WNK4: variants seen among roughly 807,000 people sequenced by gnomAD.
WNK4 encodes the protein serine/threonine-protein kinase WNK4.
In WNK4, 94 loss-of-function variants were observed where a neutral mutation model predicts 116.2. That is an observed-to-expected ratio of 0.81 (90% confidence interval 0.68 to 0.96). The LOEUF is 0.96. WNK4 is among the 40% of genes least tolerant of loss of function. The probability of loss-of-function intolerance (pLI) is 0.00; values close to 1 mark genes in which losing one functional copy is unlikely to be tolerated. For synonymous variants in WNK4, 655 were observed against 672.7 expected (o/e 0.97, Z 0.41); for missense variants, 1,542 against 1,650.6 (o/e 0.93, Z 1.14).
rs2054493851 is a variant in WNK4 at position 42,782,388 on chromosome 17, C to T, written c.619-370C>T. On this transcript the variant is annotated intron_variant, in intron 1 of 18. Coordinates refer to ENST00000246914, the MANE Select transcript of WNK4 (RefSeq NM_032387.5). The surrounding 1 kb of genome is among the most constrained non-coding windows in gnomAD (Gnocchi z 4.2). ...GGCCCCAATTCCCTGCCCGCAGTAT[C>T]CTGCTGCCCGCCTGCTGCCTGCTCA... 6.6e-6 allele frequency among the ~76,000 whole-genome samples: 1 copy of T among 152,258 alleles called. No individual in the cohort carries two copies. The highest frequency in any genetic ancestry group is 6.5e-5 in the Admixed American group (1 of 15,294).
rs772673471 is a variant in WNK4, at chr17:42,780,796, A to T, written c.98A>T (p.Gln33Leu). The T allele has an allele frequency of 2.8e-5, 45 of 1,603,158 alleles. No homozygotes were observed. In the Admixed American group the frequency reaches 7.4e-4, roughly 26 times the overall value. Reference sequence around the variant, plus strand: ...CCGCCTCCTCTTGGCACCGCGGGGCAGCCCCGCCTCGGGCCCCCTCCTCGC... The same window carrying T: ...CCGCCTCCTCTTGGCACCGCGGGGCTGCCCCGCCTCGGGCCCCCTCCTCGC... ...RPPPPLGTAG[Q>L]PRLGPPPRRA... The change falls in exon 1 of 19, where the codon CAG becomes CTG. Residue 33 changes from glutamine (Q) to leucine (L), a missense_variant. This residue lies in a region of WNK4 where 243 missense variants were observed against 217.8 expected (regional missense o/e 1.12). Coordinates refer to ENST00000246914, the MANE Select transcript of WNK4 (RefSeq NM_032387.5).
rs777975684 is a variant in WNK4 at position 42,785,315 on chromosome 17, G to A, written c.1309G>A (p.Gly437Ser). The A allele has an allele frequency of 6.2e-7, 1 of 1,612,194 alleles. No homozygotes were observed. The highest frequency in any genetic ancestry group is 8.5e-7 in the Non-Finnish European group (1 of 1,179,260). The change falls in exon 6 of 19, where the codon GGT becomes AGT. Residue 437 changes from glycine to serine, a missense_variant. Gly to Ser is a moderately conservative substitution (Grantham distance 56, BLOSUM62 0). Around this residue, in one of 7 missense-constraint regions of WNK4, gnomAD observed 808 missense variants for 873.6 expected, o/e 0.92. Transcript: ENST00000246914. ...CCACGCCTTCTTCCGCGAGGAGCGC[G>A]GTGTGCACGTGGAACTAGCGGAGGA... is the stretch of plus-strand genomic sequence containing the variant. ...LAHAFFREER[G>S]VHVELAEEDD...
chr17:42,782,680 C>T lies in WNK4; in HGVS notation c.619-78C>T. On this transcript the variant is annotated intron_variant, in intron 1 of 18. Coordinates refer to ENST00000246914, the MANE Select transcript of WNK4 (RefSeq NM_032387.5). This position sits in a 1 kb window ranked among gnomAD's most constrained non-coding sequence, Gnocchi z 4.2. ...TGGGCTCCAACCCTCACCTCTTCCC[C>T]CAACCCCACTCCAGGTGTCCCTCTT... 6.4e-7 allele frequency: 1 copy of T among 1,565,304 alleles called. No homozygotes were observed. The highest frequency in any genetic ancestry group is 8.7e-7 in the Non-Finnish European group (1 of 1,147,774).
intron 18 of WNK4, 32 bp downstream of exon 18, chr17:42,796,610 G>A (rs1253953125): frequency 6.2e-7 from 1 of 1,614,222 alleles, no homozygotes; most frequent in East Asian, 2.2e-5. Flanking sequence ...GGAGAGCCCA[G>A]GGAATGGTAC....
chr17:42,785,327 G>C lies in WNK4; in HGVS notation c.1321G>C (p.Glu441Gln), dbSNP rs2054534010. The change falls in exon 6 of 19, where the codon GAA becomes CAA. Residue 441 changes from glutamate to glutamine, a missense_variant. Physicochemically the swap from Glu to Gln is conservative, Grantham distance 29. Around this residue, in one of 7 missense-constraint regions of WNK4, gnomAD observed 808 missense variants for 873.6 expected, o/e 0.92. Transcript: ENST00000246914. Reference sequence around the variant, plus strand: ...CCGCGAGGAGCGCGGTGTGCACGTGGAACTAGCGGAGGAGGACGACGGCGA... The same window carrying C: ...CCGCGAGGAGCGCGGTGTGCACGTGCAACTAGCGGAGGAGGACGACGGCGA... ...FFREERGVHVELAEEDDGEKP... is the reference protein window; with the variant it reads ...FFREERGVHVQLAEEDDGEKP... 1 of 1,612,166 alleles carries C rather than the reference G, an allele frequency of 6.2e-7. No individual in the cohort carries two copies. Among genetic ancestry groups the C allele is most frequent in the Non-Finnish European group, 8.5e-7 (1 of 1,179,230 alleles).
intron 11 of WNK4, among the ~76,000 whole-genome samples, chr17:42,791,225 G>A (rs914671449): frequency 6.6e-6 from 1 of 152,308 alleles, no homozygotes; most frequent in Non-Finnish European, 1.5e-5. Context: ...ACTTGGATCT[G>A]ATCTCTTGAT....
Position 42,785,408 on chromosome 17 carries a change from C to T in WNK4, c.1402C>T (p.Pro468Ser). The change falls in exon 6 of 19, where the codon CCA becomes TCA. Residue 468 changes from proline (P) to serine (S), a missense_variant. Transcript: ENST00000246914. The stretch of plus-strand genomic sequence containing the variant: ...GGAGGACGCGCGGCGCGGGGGGCGC[C>T]CACGGGACAACCAGGCCATCGAGTT... ...RMEDARRGGR[P>S]RDNQAIEFLF... is the part of the protein sequence containing the mutation. The T allele has an allele frequency of 6.4e-7, 1 of 1,572,412 alleles. No homozygotes were observed. Among genetic ancestry groups the T allele is most frequent in the African/African-American group, 1.3e-5 (1 of 74,178 alleles).
Position 42,788,362 on chromosome 17 carries a change from G to A in WNK4, c.1995G>A (p.Gly665=), listed in dbSNP as rs2144040264. The change falls in exon 10 of 19, where the codon GGG becomes GGA. Residue 665 remains glycine, a synonymous_variant. Transcript: ENST00000246914. ...EGMGQMRRPP[G]RNLRRRPRSR... ...TGGGACAAATGAGGAGACCCCCAGG[G>A]AGGAATCTCCGGCGCAGACCCCGAT... is the stretch of plus-strand genomic sequence containing the variant. The A allele has an allele frequency of 1.9e-6, 3 of 1,613,606 alleles. No homozygotes were observed. The highest frequency in any genetic ancestry group is 1.1e-5 in the South Asian group (1 of 91,052).
chr17:42,794,198 T>C, intron 12 of WNK4: 1 of 310,416 alleles, frequency 3.2e-6, no homozygotes, highest in Admixed American at 4.7e-5. Context: ...ATGAAAGCCA[T>C]GGACTCTTGT....
chr17:42,785,198 G>A lies in WNK4; in HGVS notation c.1259+13G>A, dbSNP rs2054531844. On this transcript the variant is annotated intron_variant, in intron 5 of 18. Transcript: ENST00000246914. ...ATAAGAACGAGAGGTGGGGGTGAAA[G>A]GGCAGAGCGTGGGTAGAATAGGGCC... The A allele has an allele frequency of 8.7e-6, 14 of 1,613,172 alleles. No homozygotes were observed. The highest frequency in any genetic ancestry group is 1.1e-5 in the Non-Finnish European group (13 of 1,179,656).
At chr17:42,792,604 C>T (rs567613211) in intron 11 of WNK4, among the ~76,000 whole-genome samples, 11 of 152,286 alleles carry the variant, frequency 7.2e-5, no homozygotes, top group Admixed American at 3.3e-4. Context: ...AAGTGCCTTA[C>T]GTATTACGGG....
At chr17:42,788,478 G>T in intron 10 of WNK4, 71 bp downstream of exon 10, 1 of 1,507,042 alleles carries the variant, frequency 6.6e-7, no homozygotes, top group East Asian at 2.3e-5. Flanking sequence ...GGAGGCGGGG[G>T]AGGTCACCCA....
Position 42,784,065 on chromosome 17 carries a change from A to G in WNK4, c.920A>G (p.Asn307Ser), listed in dbSNP as rs759056532. The stretch of plus-strand genomic sequence containing the variant: ...CTGCACCGGGATCTCAAGTGCGACA[A>G]TGTCTTTATCACGGGACCTACTGGC... Reference protein sequence around the residue: ...PILHRDLKCDNVFITGPTGSV... With the variant: ...PILHRDLKCDSVFITGPTGSV... The change falls in exon 3 of 19, where the codon AAT (asparagine) becomes AGT (serine). Residue 307 changes from asparagine to serine, a missense_variant. Around this residue, in one of 7 missense-constraint regions of WNK4, gnomAD observed 808 missense variants for 873.6 expected, o/e 0.92. Transcript: ENST00000246914. The surrounding 1 kb of genome is among the most constrained non-coding windows in gnomAD (Gnocchi z 4.4). The G allele has an allele frequency of 6.2e-6, 10 of 1,613,620 alleles. No individual in the cohort carries two copies. Among genetic ancestry groups the G allele is most frequent in the Admixed American group, 1.7e-5 (1 of 60,020 alleles).
Position 42,796,322 on chromosome 17 carries a change from G to C in WNK4, c.3631G>C (p.Gly1211Arg), listed in dbSNP as rs781237330. The change falls in exon 17 of 19, where the codon GGC (glycine) becomes CGC (arginine). Residue 1211 changes from glycine to arginine, a missense_variant and splice_region_variant. Gly to Arg is a moderately radical substitution (Grantham distance 125). Coordinates refer to ENST00000246914, the MANE Select transcript of WNK4 (RefSeq NM_032387.5). ...SLQRSEPPGP[G>R]IMRRNSLSGS... Reference sequence around the variant, plus strand: ...ACAGCGCTCTGAGCCCCCAGGCCCTGGTGAGACTGCAGTCACCCAGCTTCC... The same window carrying C: ...ACAGCGCTCTGAGCCCCCAGGCCCTCGTGAGACTGCAGTCACCCAGCTTCC... The C allele has an allele frequency of 5.0e-6, 8 of 1,611,602 alleles. No individual in the cohort carries two copies. In the Admixed American group the frequency reaches 1.3e-4, roughly 27 times the overall value.
chr17:42,795,747 C>T lies in WNK4; in HGVS notation c.3145C>T (p.Leu1049Phe). The T allele has an allele frequency of 6.2e-7, 1 of 1,613,770 alleles. No individual in the cohort carries two copies. Among genetic ancestry groups the T allele is most frequent in the Non-Finnish European group, 8.5e-7 (1 of 1,180,038 alleles). Reference protein sequence around the residue: ...SGSPKPSTPQLTSESSDTEDS... With the variant: ...SGSPKPSTPQFTSESSDTEDS... ...TTCTCCAAAACCTTCAACCCCTCAG[C>T]TCACTTCAGAGAGCTCAGATACAGA... Residue 1049 changes from leucine to phenylalanine, a missense_variant, in exon 16 of 19, where the codon CTC becomes TTC. Physicochemically the swap from Leu to Phe is conservative, Grantham distance 22 (BLOSUM62 0). Transcript: ENST00000246914.
chr17:42,790,393 A>T (rs907920296), intron 11 of WNK4, among the ~76,000 whole-genome samples: 4 of 152,136 alleles, frequency 2.6e-5, no homozygotes, highest in Non-Finnish European at 5.9e-5. Flanking sequence ...ATTAGAAATG[A>T]AAGAAGGTTT....
rs2054528516 is a variant in WNK4 at position 42,784,968 on chromosome 17, G to C, written c.1171-129G>C. 1 of 855,344 alleles carries C rather than the reference G, an allele frequency of 1.2e-6. No homozygotes were observed. The highest frequency in any genetic ancestry group is 1.9e-6 in the Non-Finnish European group (1 of 526,162). The allele number at this position is 855,344 out of a possible 1,614,324, so 53.0% of individuals were successfully genotyped here. On this transcript the variant is annotated intron_variant, in intron 4 of 18. Transcript: ENST00000246914. This position sits in a 1 kb window ranked among gnomAD's most constrained non-coding sequence, Gnocchi z 4.4. ...TTAGGATTTGAAATCACATCTTCCA[G>C]TAGCAGTCAGGCTTTTGCAACTGCA...
rs1362881814 is a variant in WNK4 at position 42,795,041 on chromosome 17, G to A, written c.2620G>A (p.Val874Ile). ...PFSSSTPEFPVPLSQCPWSSL... is the reference protein window; with the variant it reads ...PFSSSTPEFPIPLSQCPWSSL... ...CTCCTCCAGCACACCCGAGTTTCCG[G>A]TCCCACTCTCTCAGTGTCCCTGGAG... The change falls in exon 14 of 19, where the codon GTC becomes ATC. Residue 874 changes from valine (V) to isoleucine (I), a missense_variant. Coordinates refer to ENST00000246914, the MANE Select transcript of WNK4 (RefSeq NM_032387.5). 5 of 1,613,094 alleles carry A rather than the reference G, an allele frequency of 3.1e-6. No individual in the cohort carries two copies. Among genetic ancestry groups the A allele is most frequent in the Non-Finnish European group, 4.2e-6 (5 of 1,179,776 alleles).
rs1205722397 is a variant in WNK4, at chr17:42,794,837, TCTC to T, written c.2419_2421del (p.Pro807del). 1.2e-6 allele frequency: 2 copies of T among 1,613,320 alleles called. No individual in the cohort carries two copies. The highest frequency in any genetic ancestry group is 2.2e-5 in the East Asian group (1 of 44,836). Reference sequence around the variant, plus strand: ...GACAGCCTTCTCCACCTCCTCATCTTCTCCTGGAACTCCTTTGTCTCCTGGAAA... The same window carrying T: ...GACAGCCTTCTCCACCTCCTCATCTTCTGGAACTCCTTTGTCTCCTGGAAA... On this transcript the variant is annotated inframe_deletion, in exon 14 of 19. Transcript: ENST00000246914.
Sources: allele counts gnomAD v4.1 joint callset (sites outside exome capture counted in the v4.1 genomes callset), GRCh38; gene constraint gnomAD v4.1.1; regional missense constraint gnomAD v4.1.1; non-coding constraint Gnocchi (gnomAD v3.1); transcripts MANE v1.5; gene names NCBI Gene and HGNC (gene_info 2026-07-23, HGNC 2026-07-21).